LPCAT3: variants seen among roughly 807,000 people sequenced by gnomAD.
LPCAT3 encodes the protein lysophosphatidylcholine acyltransferase 3.
Under a neutral mutation model 63.4 loss-of-function variants are expected in LPCAT3, and 21 were observed. That is an observed-to-expected ratio of 0.33 (90% confidence interval 0.23 to 0.48). LPCAT3 has a LOEUF of 0.48. Among genes scored for constraint, LPCAT3 ranks in the 20% least tolerant of loss-of-function variants. The probability of loss-of-function intolerance (pLI) is 0.99; values close to 1 mark genes in which losing one functional copy is unlikely to be tolerated. For synonymous variants in LPCAT3, 242 were observed against 227.5 expected (o/e 1.06, Z -0.58); for missense variants, 451 against 590.6 (o/e 0.76, Z 2.45).
chr12:7,014,683 T>A (rs1044478728), intron 1 of LPCAT3, among the ~76,000 whole-genome samples: 1 of 151,926 alleles, frequency 6.6e-6, no homozygotes, highest in African/African-American at 2.4e-5. Context: ...GATCACGACG[T>A]CAGTAGATTG....
In LPCAT3 at chr12:7,017,379, T is replaced by C. The variant is rs943922757; in HGVS notation, c.151+895A>G. On this transcript the variant is annotated intron_variant, in intron 1 of 12. Coordinates refer to ENST00000261407, the MANE Select transcript of LPCAT3 (RefSeq NM_005768.6). The surrounding 1 kb of genome is among the most constrained non-coding windows in gnomAD (Gnocchi z 4.1). ...GTCCTCATTTCATAGATAAGGAAATTAGGCCCAGAGGGTTTTGCGGCCTGC... is the reference window on the plus strand; with the variant it reads ...GTCCTCATTTCATAGATAAGGAAATCAGGCCCAGAGGGTTTTGCGGCCTGC... Among the ~76,000 whole-genome samples, 2 of 152,184 alleles carry C rather than the reference T, an allele frequency of 1.3e-5. No homozygotes were observed. The highest frequency in any genetic ancestry group is 6.5e-5 in the Admixed American group (1 of 15,280).
intron 1 of LPCAT3, among the ~76,000 whole-genome samples, chr12:7,006,933 C>G (rs1311592876): frequency 6.6e-6 from 1 of 152,222 alleles, no homozygotes; most frequent in African/African-American, 2.4e-5. Context: ...ATGGATGCCA[C>G]TTCTCCTTAA....
chr12:7,001,624 G>A, intron 1 of LPCAT3: 2 of 413,430 alleles, frequency 4.8e-6, no homozygotes, highest in South Asian at 1.7e-5. Flanking sequence ...CAGGTAGGCA[G>A]AGTTGGCTGG....
At chr12:6,982,829 G>C (rs782661840) in intron 2 of LPCAT3, 47 bp from the exon 3 acceptor site, 5 of 1,247,746 alleles carry the variant, frequency 4.0e-6, no homozygotes, top group Non-Finnish European at 5.9e-6. Flanking sequence ...CACTCCCACC[G>C]TCCTGAGACT....
At chr12:6,979,291 C>A in intron 7 of LPCAT3, 180 bp downstream of exon 7, 1 of 606,360 alleles carries the variant, frequency 1.6e-6, no homozygotes, top group Non-Finnish European at 2.9e-6. Context: ...GAAGGTTGTT[C>A]AGTGCTGGCT....
At chr12:7,001,456 T>G (rs1946686986) in intron 1 of LPCAT3, 1 of 455,954 alleles carries the variant, frequency 2.2e-6, no homozygotes, top group Non-Finnish European at 4.4e-6. Flanking sequence ...CTGCCAGAAT[T>G]CTGCGGGTAG....
At position 6,979,521 on chromosome 12, in the gene LPCAT3, G is replaced by C. The variant is rs1555153789; in HGVS notation, c.736C>G (p.Leu246Val). The C allele has an allele frequency of 1.2e-6, 2 of 1,614,162 alleles. No individual in the cohort carries two copies. Among genetic ancestry groups the C allele is most frequent in the East Asian group, 2.2e-5 (1 of 44,882 alleles). Residue 246 changes from leucine to valine, a missense_variant, in exon 7 of 13, where the codon CTG becomes GTG. Physicochemically the swap from Leu to Val is conservative, Grantham distance 32. Transcript: ENST00000261407. ...TCTTCTGTGATGTGGGGGCTGAGCA[G>C]TGTGTAGCCCACTAGGTAGAAAAGG... ...LGLFYLVGYTLLSPHITEDYL... is the reference protein window; with the variant it reads ...LGLFYLVGYTVLSPHITEDYL...
intron 1 of LPCAT3, 116 bp from the exon 2 acceptor site, chr12:6,983,655 C>T (rs921588016): frequency 7.3e-6 from 5 of 682,138 alleles, no homozygotes; most frequent in Non-Finnish European, 1.3e-5. Context: ...AAAAAAACAA[C>T]ATACATTATA....
At chr12:6,983,358 A>G in intron 2 of LPCAT3, 74 bp downstream of exon 2, 1 of 979,916 alleles carries the variant, frequency 1.0e-6, no homozygotes, top group South Asian at 1.4e-5. Flanking sequence ...GATTCTCTCA[A>G]GGAAATTTTG....
In LPCAT3 at chr12:6,977,424, G is replaced by T; in HGVS notation, c.1290C>A (p.Leu430=). Residue 430 remains leucine (L), a synonymous_variant, in exon 11 of 13, where the codon CTC becomes CTA. Transcript: ENST00000261407. The surrounding 1 kb of genome is among the most constrained non-coding windows in gnomAD (Gnocchi z 4.5). Reference sequence around the variant, plus strand: ...AGGCAGTCATGGAGTAACCCATGAAGAGCCAGTGGATGGTCTGTTGCACCA... The same window carrying T: ...AGGCAGTCATGGAGTAACCCATGAATAGCCAGTGGATGGTCTGTTGCACCA... ...YYLVQQTIHW[L]FMGYSMTAFC... is the part of the protein sequence containing the mutation. 6.2e-7 allele frequency: 1 copy of T among 1,614,196 alleles called. No individual in the cohort carries two copies. The highest frequency in any genetic ancestry group is 8.5e-7 in the Non-Finnish European group (1 of 1,180,040).
Position 6,978,630 on chromosome 12 carries a change from G to A in LPCAT3, c.846C>T (p.Tyr282=), listed in dbSNP as rs782163727. ...YMLIWGKFVL[Y]KYVTCWLVTE... is the part of the protein sequence containing the mutation. ...TGACCAGCCAACAGGTGACATATTT[G>A]TACAGCACAAACTTGCCCCAGATCA... The change falls in exon 8 of 13, where the codon TAC becomes TAT. Residue 282 remains tyrosine (Y), a synonymous_variant. Transcript: ENST00000261407. 36 of 1,614,042 alleles carry A rather than the reference G, an allele frequency of 2.2e-5. No homozygotes were observed. Among genetic ancestry groups the A allele is most frequent in the Non-Finnish European group, 2.5e-5 (29 of 1,180,036 alleles).
chr12:7,016,265 A>T (rs1410198664), intron 1 of LPCAT3, among the ~76,000 whole-genome samples: 1 of 148,656 alleles, frequency 6.7e-6, no homozygotes. Flanking sequence ...CGCCCAGCTC[A>T]TTTTTTTATT....
At chr12:6,986,004 A>G (rs1189467513) in intron 1 of LPCAT3, among the ~76,000 whole-genome samples, 4 of 151,548 alleles carry the variant, frequency 2.6e-5, no homozygotes, top group Non-Finnish European at 4.4e-5. Context: ...CGAACTCCTG[A>G]CCTCAGGTGA....
intron 1 of LPCAT3, among the ~76,000 whole-genome samples, chr12:6,992,336 A>C (rs938563728): frequency 5.3e-5 from 8 of 151,810 alleles, no homozygotes; most frequent in African/African-American, 1.5e-4. Context: ...AAAAAAAAAA[A>C]CAAAAAAAAT....
chr12:7,007,810 T>C (rs1252010176), intron 1 of LPCAT3, among the ~76,000 whole-genome samples: 1 of 152,192 alleles, frequency 6.6e-6, no homozygotes, highest in East Asian at 1.9e-4. Context: ...AAAAGCTTTT[T>C]ATTTTTAATT....
At chr12:6,998,521 T>C (rs1555156277) in intron 1 of LPCAT3, among the ~76,000 whole-genome samples, 12 of 152,120 alleles carry the variant, frequency 7.9e-5, no homozygotes. Flanking sequence ...CAAAGGAAAA[T>C]AGGAAGGAGA....
rs1946802715 is a variant in LPCAT3, at chr12:7,017,263, G to A, written c.151+1011C>T. Among the ~76,000 whole-genome samples, 1 of 152,100 alleles carries A rather than the reference G, an allele frequency of 6.6e-6. No individual in the cohort carries two copies. Among genetic ancestry groups the A allele is most frequent in the African/African-American group, 2.4e-5 (1 of 41,418 alleles). On this transcript the variant is annotated intron_variant, in intron 1 of 12. Coordinates refer to ENST00000261407, the MANE Select transcript of LPCAT3 (RefSeq NM_005768.6). This position sits in a 1 kb window ranked among gnomAD's most constrained non-coding sequence, Gnocchi z 4.1. ...ATAACCTTCATAAAACGTTCCAACT[G>A]CTTAAATTTTATGTATATATATGTA...
intron 1 of LPCAT3, among the ~76,000 whole-genome samples, chr12:6,984,241 A>C (rs1235257548): frequency 6.6e-6 from 1 of 152,264 alleles, no homozygotes; most frequent in Non-Finnish European, 1.5e-5. Flanking sequence ...TTCTAAAGCC[A>C]TGATTCAGAG....
At chr12:6,981,735 G>C (rs1482339209) in intron 4 of LPCAT3, 76 bp downstream of exon 4, 30 of 1,408,432 alleles carry the variant, frequency 2.1e-5, no homozygotes, top group East Asian at 6.8e-5. Flanking sequence ...GGGCGGAGGG[G>C]GGGTGCCGAG....
Sources: gnomAD v4.1 joint callset for allele counts (sites outside exome capture counted in the v4.1 genomes callset) on GRCh38, gnomAD v4.1.1 for gene constraint, Gnocchi (gnomAD v3.1) non-coding constraint, MANE v1.5 for transcripts, NCBI Gene and HGNC (gene_info 2026-07-23, HGNC 2026-07-21) for gene names.